ARRB1: variants seen among roughly 807,000 people sequenced by gnomAD.
ARRB1 encodes beta-arrestin-1.
ARRB1 carries 21 observed loss-of-function variants against 56.8 expected under a neutral mutation model. The ratio of observed to expected loss-of-function variants is 0.37; its 90% CI spans 0.26 to 0.53. ARRB1 has a LOEUF of 0.53. Ranked by LOEUF, ARRB1 falls within the 20% of genes least tolerant of loss-of-function variation. ARRB1 has a pLI of 0.88. For synonymous variants in ARRB1, 210 were observed against 218.6 expected (o/e 0.96, Z 0.35); for missense variants, 424 against 553.7 (o/e 0.77, Z 2.35).
At chr11:75,322,610 GC>G (rs1417638404) in intron 1 of ARRB1, among the ~76,000 whole-genome samples, 3 of 152,206 alleles carry the variant, frequency 2.0e-5, no homozygotes, top group African/African-American at 7.2e-5. Flanking sequence ...GGACATGGGG[GC>G]AGGGCCTGGT....
At chr11:75,319,790 A>AG (rs1947318488) in intron 1 of ARRB1, among the ~76,000 whole-genome samples, 1 of 152,152 alleles carries the variant, frequency 6.6e-6, no homozygotes, top group South Asian at 2.1e-4. Context: ...AAGGGTCCCC[A>AG]GGGGGACCCC....
At chr11:75,350,278 G>A (rs1005985174) in intron 1 of ARRB1, among the ~76,000 whole-genome samples, 1 of 152,206 alleles carries the variant, frequency 6.6e-6, no homozygotes, top group African/African-American at 2.4e-5. Context: ...TCCTTCAGGG[G>A]AGGAGTGGGC....
Position 75,286,229 on chromosome 11 carries a change from A to G in ARRB1, c.112+1086T>C, listed in dbSNP as rs182818745. On this transcript the variant is annotated intron_variant, in intron 3 of 15. Coordinates refer to ENST00000420843, the MANE Select transcript of ARRB1 (RefSeq NM_004041.5). The stretch of plus-strand genomic sequence containing the variant: ...ACAGGGACATGATGGGAAAGGCCAT[A>G]CTAGGCCTCACTTTGATTTGCTCAT... Among the ~76,000 whole-genome samples the G allele has an allele frequency of 2.4e-4, 34 of 139,252 alleles. No individual in the cohort carries two copies. The East Asian group carries it at 6.5e-3, about 27-fold the overall frequency. 91.4% of individuals were successfully genotyped at this position (139,252 alleles called of 152,430 possible). A position where few individuals can be genotyped will look rare whatever the true frequency, so the allele number is the denominator to read the frequency against.
intron 2 of ARRB1, among the ~76,000 whole-genome samples, chr11:75,287,917 C>T (rs990771339): frequency 6.6e-6 from 1 of 152,008 alleles, no homozygotes; most frequent in Non-Finnish European, 1.5e-5. Context: ...GCCTGGAGTG[C>T]AATGGCGCGA....
chr11:75,295,474 T>C (rs1018270423), intron 1 of ARRB1, among the ~76,000 whole-genome samples: 2 of 152,136 alleles, frequency 1.3e-5, no homozygotes, highest in Non-Finnish European at 2.9e-5. Context: ...TCTTATCACA[T>C]TGCCTCACTT....
At position 75,351,642 on chromosome 11, in the gene ARRB1, A is replaced by C. The variant is rs1412072213; in HGVS notation, c.-35T>G. ...CGGTCGCAGGGAGGTCCGCGGCGTCAGCGCCCAGGCTGGAAAATCCCCAGC... is the reference window on the plus strand; with the variant it reads ...CGGTCGCAGGGAGGTCCGCGGCGTCCGCGCCCAGGCTGGAAAATCCCCAGC... On this transcript the variant is annotated 5_prime_UTR_variant, in exon 1 of 16. Transcript: ENST00000420843. The C allele has an allele frequency of 5.9e-6, 8 of 1,361,440 alleles. No individual in the cohort carries two copies. Among genetic ancestry groups the C allele is most frequent in the Non-Finnish European group, 6.6e-6 (7 of 1,054,064 alleles). 84.3% of individuals were successfully genotyped at this position (1,361,440 alleles called of 1,614,324 possible).
chr11:75,327,183 T>A (rs1300954180), intron 1 of ARRB1, among the ~76,000 whole-genome samples: 3 of 148,420 alleles, frequency 2.0e-5, no homozygotes, highest in Non-Finnish European at 4.5e-5. Flanking sequence ...GTGCCTGTAG[T>A]CCCAGCTACT....
chr11:75,269,298 A>ACC (rs138730818), intron 13 of ARRB1: 7 of 410,878 alleles, frequency 1.7e-5, no homozygotes, highest in East Asian at 1.2e-4. Context: ...GTGCCCTGGG[A>ACC]CCCCCCCCCA....
At chr11:75,331,308 G>C (rs1356927637) in intron 1 of ARRB1, among the ~76,000 whole-genome samples, 1 of 152,146 alleles carries the variant, frequency 6.6e-6, no homozygotes, top group Non-Finnish European at 1.5e-5. Context: ...ACCATGCCTG[G>C]CCATGTCTGA....
chr11:75,306,514 A>G (rs1947034365), intron 1 of ARRB1: 3 of 1,044,792 alleles, frequency 2.9e-6, no homozygotes, highest in Admixed American at 2.3e-5. Flanking sequence ...GAAAGAGAGG[A>G]AAAGCAAACT....
intron 1 of ARRB1, among the ~76,000 whole-genome samples, chr11:75,292,109 G>C (rs1277924620): frequency 6.6e-6 from 1 of 151,266 alleles, no homozygotes; most frequent in Admixed American, 6.6e-5. Flanking sequence ...TGGGAGCCCT[G>C]GGCTTTTCTC....
chr11:75,333,414 T>C (rs1947550644), intron 1 of ARRB1, among the ~76,000 whole-genome samples: 1 of 152,220 alleles, frequency 6.6e-6, no homozygotes, highest in Non-Finnish European at 1.5e-5. Context: ...ATTGAAGGCA[T>C]TGTGCCAGGG....
intron 1 of ARRB1, among the ~76,000 whole-genome samples, chr11:75,350,843 G>A (rs1432755704): frequency 6.6e-6 from 1 of 152,246 alleles, no homozygotes; most frequent in Non-Finnish European, 1.5e-5. Context: ...TTCTGGCCAT[G>A]TGGGGCCTGA....
At chr11:75,342,818 C>T (rs1244525057) in intron 1 of ARRB1, among the ~76,000 whole-genome samples, 3 of 152,262 alleles carry the variant, frequency 2.0e-5, no homozygotes, top group East Asian at 1.9e-4. Flanking sequence ...GGCCCTGAGG[C>T]GGGAATGAGC....
intron 1 of ARRB1, among the ~76,000 whole-genome samples, chr11:75,294,857 T>C (rs1476321564): frequency 6.6e-6 from 1 of 152,142 alleles, no homozygotes; most frequent in Non-Finnish European, 1.5e-5. Flanking sequence ...GTGCTGGTGC[T>C]TGATTCCCCA....
At chr11:75,334,604 A>G (rs1046557482) in intron 1 of ARRB1, among the ~76,000 whole-genome samples, 2 of 152,200 alleles carry the variant, frequency 1.3e-5, no homozygotes, top group Admixed American at 1.3e-4. Context: ...AGTTTCACCT[A>G]TGGTTCATTA....
At chr11:75,325,084 GA>G (rs1461816010) in intron 1 of ARRB1, among the ~76,000 whole-genome samples, 1 of 152,192 alleles carries the variant, frequency 6.6e-6, no homozygotes. Context: ...CAGGGTTGGA[GA>G]AAGGACTACA....
At chr11:75,297,068 G>A (rs947332116) in intron 1 of ARRB1, among the ~76,000 whole-genome samples, 4 of 152,260 alleles carry the variant, frequency 2.6e-5, no homozygotes, top group African/African-American at 4.8e-5. Flanking sequence ...AGAATAGTAC[G>A]TTTGGCATGA....
intron 1 of ARRB1, among the ~76,000 whole-genome samples, chr11:75,301,997 C>A (rs947819516): frequency 6.6e-6 from 1 of 152,154 alleles, no homozygotes; most frequent in Non-Finnish European, 1.5e-5. Flanking sequence ...AATCAAAGCC[C>A]GAGTGAGAGA....
Sources: allele counts gnomAD v4.1 joint callset (sites outside exome capture counted in the v4.1 genomes callset), GRCh38; gene constraint gnomAD v4.1.1; transcripts MANE v1.5; gene names NCBI Gene and HGNC (gene_info 2026-07-23, HGNC 2026-07-21).